AP2A2: variants seen among roughly 807,000 people sequenced by gnomAD.
The protein encoded by AP2A2 is adaptor related protein complex 2 subunit alpha 2, also known as AP-2 complex subunit alpha-2.
In AP2A2, 32 loss-of-function variants were observed where a neutral mutation model predicts 104.2. The observed-to-expected ratio is 0.31, with a 90% CI of 0.23 to 0.41. AP2A2 has a LOEUF of 0.41. AP2A2 is among the 10% of genes least tolerant of loss of function. The pLI is 1.00. For missense variants in AP2A2, 912 were observed against 1,261.0 expected, an observed-to-expected ratio of 0.72 and a Z score of 4.19; for synonymous variants, 539 against 533.3, an observed-to-expected ratio of 1.01 and a Z score of -0.15.
At chr11:1,007,507 C>G (rs1281139718) in intron 17 of AP2A2, 1 of 169,548 alleles carries the variant, frequency 5.9e-6, no homozygotes, top group African/African-American at 2.4e-5. Flanking sequence ...GGCCTGCACC[C>G]CGCTGCCTCC....
At chr11:991,485 G>T (rs565434237) in intron 10 of AP2A2, among the ~76,000 whole-genome samples, 2 of 152,284 alleles carry the variant, frequency 1.3e-5, no homozygotes, top group African/African-American at 4.8e-5. Context: ...GCATCCGTTC[G>T]TGGAGGGGTG....
intron 18 of AP2A2, 59 bp from the exon 19 acceptor site, chr11:1,009,041 C>A: frequency 7.1e-7 from 1 of 1,407,240 alleles, no homozygotes; most frequent in South Asian, 1.2e-5. Context: ...CTTTCCCGGT[C>A]CCTGGGGCTC....
At position 981,284 on chromosome 11, in the gene AP2A2, C is replaced by A; in HGVS notation, c.690C>A (p.Val230=). The A allele has an allele frequency of 6.2e-7, 1 of 1,612,608 alleles. No individual in the cohort carries two copies. The highest frequency in any genetic ancestry group is 8.5e-7 in the Non-Finnish European group (1 of 1,179,064). The part of the protein sequence containing the change: ...EEFKTSVSLA[V]SRLSRIVTSA... Reference sequence around the variant, plus strand: ...TTAAAACCTCCGTGTCTCTGGCTGTCTCTAGGCTAAGCAGAGTAAGTCTGT... The same window carrying A: ...TTAAAACCTCCGTGTCTCTGGCTGTATCTAGGCTAAGCAGAGTAAGTCTGT... Residue 230 remains valine (V), a synonymous_variant, in exon 6 of 22, where the codon GTC becomes GTA. Coordinates refer to ENST00000448903, the MANE Select transcript of AP2A2 (RefSeq NM_012305.4).
chr11:1,008,898 G>A (rs1488929322), intron 18 of AP2A2: 4 of 586,306 alleles, frequency 6.8e-6, no homozygotes, highest in East Asian at 2.8e-5. Context: ...CTGAGTATGC[G>A]GCCCTGGCCT....
At chr11:991,203 G>A (rs116243218) in intron 10 of AP2A2, among the ~76,000 whole-genome samples, 4,539 of 152,350 alleles carry the variant, frequency 0.03, 224 homozygotes, top group African/African-American at 0.1. Flanking sequence ...AGCATGGCAG[G>A]GCGTGTTCTC....
chr11:973,805 T>A (rs531500211), intron 4 of AP2A2, among the ~76,000 whole-genome samples: 39 of 152,308 alleles, frequency 2.6e-4, no homozygotes, highest in African/African-American at 8.4e-4. Flanking sequence ...CTTGCCTGTT[T>A]ATTACCTGTT....
chr11:994,002 C>T lies in AP2A2; in HGVS notation c.1782+17C>T. 1.9e-6 allele frequency: 3 copies of T among 1,609,534 alleles called. No individual in the cohort carries two copies. Among genetic ancestry groups the T allele is most frequent in the Non-Finnish European group, 1.7e-6 (2 of 1,177,400 alleles). On this transcript the variant is annotated intron_variant, in intron 13 of 21. Coordinates refer to ENST00000448903, the MANE Select transcript of AP2A2 (RefSeq NM_012305.4). The stretch of plus-strand genomic sequence containing the variant: ...GACATTCTGGTAGGAGGCCCCCGCC[C>T]TTCGGGCTGGCTTGGCTGAGGGTTG...
At chr11:1,009,643 C>T (rs1856351882) in intron 20 of AP2A2, 40 bp from the exon 21 acceptor site, 3 of 1,481,508 alleles carry the variant, frequency 2.0e-6, no homozygotes, top group East Asian at 4.9e-5. Flanking sequence ...CTGCCCGCGA[C>T]CCCGCGCCAG....
chr11:949,303 C>G (rs1853957047), intron 1 of AP2A2, among the ~76,000 whole-genome samples: 1 of 151,554 alleles, frequency 6.6e-6, no homozygotes. Flanking sequence ...CAGTCCTTTA[C>G]AAACTCTTTG....
intron 6 of AP2A2, among the ~76,000 whole-genome samples, chr11:983,321 G>C (rs1855316504): frequency 6.6e-6 from 1 of 151,598 alleles, no homozygotes; most frequent in African/African-American, 2.4e-5. Flanking sequence ...CACCGCACCT[G>C]GACTCCTTTC....
intron 5 of AP2A2, among the ~76,000 whole-genome samples, chr11:980,950 C>G (rs1202021214): frequency 6.6e-6 from 1 of 152,246 alleles, no homozygotes; most frequent in East Asian, 1.9e-4. Flanking sequence ...CCCTCTGGCT[C>G]TTCGATGCTG....
chr11:988,294 C>T (rs1411319620), intron 9 of AP2A2, among the ~76,000 whole-genome samples: 2 of 152,188 alleles, frequency 1.3e-5, no homozygotes, highest in East Asian at 1.9e-4. Context: ...GAGGCATGGA[C>T]GAGCGGGCAG....
At chr11:1,007,912 T>G (rs1010446523) in intron 17 of AP2A2, 100 bp from the exon 18 acceptor site, 616 of 1,517,068 alleles carry the variant, frequency 4.1e-4, no homozygotes, top group Non-Finnish European at 5.1e-4. Context: ...TAGAGTGTGG[T>G]GAGTGTGCTC....
chr11:1,008,431 C>T (rs925019327), intron 18 of AP2A2: 2 of 355,442 alleles, frequency 5.6e-6, no homozygotes, highest in African/African-American at 4.3e-5. Flanking sequence ...AGCCAGGGCC[C>T]CCGCGCCACC....
At chr11:935,515 T>A (rs1484167582) in intron 1 of AP2A2, among the ~76,000 whole-genome samples, 1 of 151,588 alleles carries the variant, frequency 6.6e-6, no homozygotes, top group Non-Finnish European at 1.5e-5. Flanking sequence ...TTGGCCAGGC[T>A]GGTCTTGAAC....
intron 10 of AP2A2, 150 bp downstream of exon 10, chr11:988,839 A>G: frequency 9.2e-7 from 1 of 1,089,644 alleles, no homozygotes; most frequent in Non-Finnish European, 1.3e-6. Flanking sequence ...CTGTGTTTTC[A>G]TCCACATTTT....
At chr11:982,878 T>C (rs1014252668) in intron 6 of AP2A2, among the ~76,000 whole-genome samples, 6 of 152,128 alleles carry the variant, frequency 3.9e-5, no homozygotes, top group African/African-American at 1.4e-4. Context: ...CTCGAACTCC[T>C]GACCTCAGGT....
Position 994,259 on chromosome 11 carries a change from C to A in AP2A2, c.1956+14C>A. ...ACCAGCGCCGTGGTGGGTCCCTCAC[C>A]TACTGTGCACCCAGACCTGTCAGGG... is the stretch of plus-strand genomic sequence containing the variant. On this transcript the variant is annotated intron_variant, in intron 14 of 21. Coordinates refer to ENST00000448903, the MANE Select transcript of AP2A2 (RefSeq NM_012305.4). The A allele has an allele frequency of 6.2e-7, 1 of 1,611,832 alleles. No homozygotes were observed. Among genetic ancestry groups the A allele is most frequent in the Non-Finnish European group, 8.5e-7 (1 of 1,179,234 alleles).
At chr11:949,995 T>C (rs963525946) in intron 1 of AP2A2, among the ~76,000 whole-genome samples, 2 of 152,194 alleles carry the variant, frequency 1.3e-5, no homozygotes, top group African/African-American at 2.4e-5. Flanking sequence ...ATGATTAAGA[T>C]AGTATAATAC....
Sources: gnomAD v4.1 joint callset for allele counts (sites outside exome capture counted in the v4.1 genomes callset) on GRCh38, gnomAD v4.1.1 for gene constraint, MANE v1.5 for transcripts, NCBI Gene and HGNC (gene_info 2026-07-23, HGNC 2026-07-21) for gene names.